NAV1: variants seen among roughly 807,000 people sequenced by gnomAD.
The protein encoded by NAV1 is neuron navigator 1.
A neutral mutation model predicts 175.2 loss-of-function variants in NAV1; 18 were observed. The observed-to-expected ratio is 0.10, with a 90% CI of 0.07 to 0.15. The LOEUF (loss-of-function observed/expected upper bound fraction) is 0.15. Ranked by LOEUF, NAV1 falls within the 10% of genes least tolerant of loss-of-function variation. NAV1 has a pLI of 1.00. For missense variants in NAV1, 1,731 were observed against 2,436.6 expected, an observed-to-expected ratio of 0.71 and a Z score of 6.10; for synonymous variants, 897 against 978.7, an observed-to-expected ratio of 0.92 and a Z score of 1.56.
chr1:201,588,234 G>A (rs1011961693), intron 1 of NAV1, among the ~76,000 whole-genome samples: 19 of 152,198 alleles, frequency 1.2e-4, no homozygotes, highest in African/African-American at 4.3e-4. Context: ...GCTGTAAAAA[G>A]GAATGAGGTG....
chr1:201,696,967 C>T (rs1421140733), intron 1 of NAV1, among the ~76,000 whole-genome samples: 1 of 152,190 alleles, frequency 6.6e-6, no homozygotes, highest in African/African-American at 2.4e-5. Context: ...CAGAACATTG[C>T]CTGCTTTTCT....
At chr1:201,705,489 G>T (rs1236550884) in intron 1 of NAV1, among the ~76,000 whole-genome samples, 1 of 152,210 alleles carries the variant, frequency 6.6e-6, no homozygotes, top group Non-Finnish European at 1.5e-5. Context: ...TGATTGAGAT[G>T]GTTCCGGATT....
intron 3 of NAV1, among the ~76,000 whole-genome samples, chr1:201,744,721 A>C (rs891259492): frequency 3.3e-5 from 5 of 152,150 alleles, no homozygotes; most frequent in Non-Finnish European, 5.9e-5. Context: ...AAGAGAAACT[A>C]AGAGTTTTCC....
chr1:201,566,620 C>T (rs1050088261), intron 1 of NAV1, among the ~76,000 whole-genome samples: 1 of 152,196 alleles, frequency 6.6e-6, no homozygotes, highest in African/African-American at 2.4e-5. Flanking sequence ...TGGGATGACG[C>T]TGTTGGATCA....
Position 201,718,319 on chromosome 1 carries a change from G to T in NAV1, c.861-71G>T. 1.4e-6 allele frequency: 2 copies of T among 1,419,092 alleles called. No individual in the cohort carries two copies. 87.9% of individuals were successfully genotyped at this position (1,419,092 alleles called of 1,614,324 possible). On this transcript the variant is annotated intron_variant, in intron 2 of 29. Coordinates refer to ENST00000367296, the Ensembl canonical transcript of NAV1. The surrounding 1 kb of genome is among the most constrained non-coding windows in gnomAD (Gnocchi z 4.8). ...TGGGTGGAGGGGAGGCATTGCTGGG[G>T]TGCATGTGAGGGGACAGGGCACACG...
At chr1:201,649,156 C>T (rs986162199) in exon 1 of NAV1, 1 of 1,611,846 alleles carries the variant, frequency 6.2e-7, no homozygotes, top group Non-Finnish European at 8.5e-7. Context: ...CCCCTGGCTC[C>T]GCTCGCGCCC....
At chr1:201,785,004 G>C (rs933507024) in intron 7 of NAV1, among the ~76,000 whole-genome samples, 9 of 152,120 alleles carry the variant, frequency 5.9e-5, no homozygotes, top group Admixed American at 4.6e-4. Flanking sequence ...TCCCGACCTC[G>C]TGATCCACCC....
Position 201,788,716 on chromosome 1 carries a change from A to G in NAV1, c.3166+78A>G, listed in dbSNP as rs1464748456. 5 of 1,397,254 alleles carry G rather than the reference A, an allele frequency of 3.6e-6. No homozygotes were observed. The highest frequency in any genetic ancestry group is 3.9e-6 in the Non-Finnish European group (4 of 1,021,720). 86.6% of individuals were successfully genotyped at this position (1,397,254 alleles called of 1,614,324 possible). Reference sequence around the variant, plus strand: ...CTCACCCACCACCTCCACTCCCACCACTCCTACCACCACACACATATATGA... The same window carrying G: ...CTCACCCACCACCTCCACTCCCACCGCTCCTACCACCACACACATATATGA... On this transcript the variant is annotated intron_variant, in intron 10 of 29. Transcript: ENST00000367296. This position sits in a 1 kb window ranked among gnomAD's most constrained non-coding sequence, Gnocchi z 5.7.
At chr1:201,569,324 A>C (rs1666461778) in intron 1 of NAV1, among the ~76,000 whole-genome samples, 1 of 152,198 alleles carries the variant, frequency 6.6e-6, no homozygotes, top group Admixed American at 6.5e-5. Flanking sequence ...CTATAGCATG[A>C]ACTCCCCTGA....
intron 1 of NAV1, among the ~76,000 whole-genome samples, chr1:201,709,009 C>T (rs1246358037): frequency 2.0e-5 from 3 of 151,958 alleles, no homozygotes; most frequent in Admixed American, 6.6e-5. Flanking sequence ...ATTAGCCAGG[C>T]GTGATGGGGC....
Position 201,809,026 on chromosome 1 carries a change from C to T in NAV1, c.4208-138C>T, listed in dbSNP as rs1188236558. 25 of 1,280,868 alleles carry T rather than the reference C, an allele frequency of 2.0e-5. 1 individual carries two copies. The highest frequency in any genetic ancestry group is 2.8e-5 in the Non-Finnish European group (25 of 903,410). 79.3% of individuals were successfully genotyped at this position (1,280,868 alleles called of 1,614,324 possible). ...ACACTGAGTTGTAATGGTCCTTCAA[C>T]CTTAACTACTTTTGAGTTTGGGACC... On this transcript the variant is annotated intron_variant, in intron 20 of 29. Coordinates refer to ENST00000367296, the Ensembl canonical transcript of NAV1.
At chr1:201,638,882 C>A (rs918603067) in intron 2 of NAV1, among the ~76,000 whole-genome samples, 4 of 152,162 alleles carry the variant, frequency 2.6e-5, no homozygotes, top group Non-Finnish European at 4.4e-5. Context: ...GATCAGTGAG[C>A]CCTTACTAAC....
chr1:201,814,749 C>CA (rs201664200), intron 28 of NAV1, among the ~76,000 whole-genome samples: 65 of 149,858 alleles, frequency 4.3e-4, no homozygotes, highest in Non-Finnish European at 6.7e-4. Context: ...AAGTAAAAAA[C>CA]AAAAAAAAAG....
chr1:201,551,629 C>T (rs1027141370), intron 1 of NAV1, among the ~76,000 whole-genome samples: 1 of 152,192 alleles, frequency 6.6e-6, no homozygotes, highest in African/African-American at 2.4e-5. Flanking sequence ...TTTGCTATCA[C>T]ATTTATTTTG....
chr1:201,657,109 A>G (rs1669435799), intron 1 of NAV1, among the ~76,000 whole-genome samples: 1 of 152,238 alleles, frequency 6.6e-6, no homozygotes, highest in Admixed American at 6.5e-5. Context: ...GGGGGAAATG[A>G]AAAGCTCAAG....
upstream of NAV1, among the ~76,000 whole-genome samples, chr1:201,621,965 G>A (rs1425805678): frequency 6.6e-6 from 1 of 152,234 alleles, no homozygotes; most frequent in African/African-American, 2.4e-5. Flanking sequence ...GGGGAAGCTG[G>A]TGAAGGGGGA....
intron 1 of NAV1, among the ~76,000 whole-genome samples, chr1:201,561,101 C>T (rs1666182698): frequency 6.6e-6 from 1 of 152,182 alleles, no homozygotes; most frequent in African/African-American, 2.4e-5. Flanking sequence ...AAGCCCCTGC[C>T]TTGACCACAG....
chr1:201,719,248 A>C (rs1248470424), intron 3 of NAV1, among the ~76,000 whole-genome samples: 2 of 151,996 alleles, frequency 1.3e-5, no homozygotes, highest in Non-Finnish European at 2.9e-5. Flanking sequence ...CGCTAGTCAA[A>C]CAGTGAGTAG....
chr1:201,817,372 G>A, intron 29 of NAV1, 87 bp downstream of exon 33: 2 of 1,271,876 alleles, frequency 1.6e-6, no homozygotes, highest in South Asian at 2.8e-5. Flanking sequence ...TGTAATCCCA[G>A]CACTTTGAGA....
Sources: allele counts gnomAD v4.1 joint callset (sites outside exome capture counted in the v4.1 genomes callset), GRCh38; gene constraint gnomAD v4.1.1; non-coding constraint Gnocchi (gnomAD v3.1); transcripts MANE v1.5; gene names NCBI Gene and HGNC (gene_info 2026-07-23, HGNC 2026-07-21).